TAFA2: variants seen among roughly 807,000 people sequenced by gnomAD.
TAFA2 encodes TAFA chemokine like family member 2.
Under a neutral mutation model 18.8 loss-of-function variants are expected in TAFA2, and 7 were observed. The observed-to-expected ratio is 0.37, with a 90% CI of 0.21 to 0.70. The LOEUF is 0.70. Among genes scored for constraint, TAFA2 ranks in the 30% least tolerant of loss-of-function variants. The pLI is 0.53. For synonymous variants in TAFA2, 60 were observed against 54.2 expected (o/e 1.11, Z -0.47); for missense variants, 122 against 158.1 (o/e 0.77, Z 1.23).
chr12:61,872,764 A>G (rs1245929504), intron 1 of TAFA2, among the ~76,000 whole-genome samples: 1 of 151,904 alleles, frequency 6.6e-6, no homozygotes, highest in Non-Finnish European at 1.5e-5. Context: ...AGGTTCTCCC[A>G]CCTGTCTTTG....
intron 1 of TAFA2, among the ~76,000 whole-genome samples, chr12:61,995,831 A>G (rs1880166335): frequency 6.6e-6 from 1 of 151,818 alleles, no homozygotes; most frequent in Non-Finnish European, 1.5e-5. Context: ...TCTAAAACTG[A>G]TTGTGGTGAT....
chr12:62,147,285 T>C (rs1472311966), intron 1 of TAFA2, among the ~76,000 whole-genome samples: 1 of 144,652 alleles, frequency 6.9e-6, no homozygotes, highest in African/African-American at 2.6e-5. Context: ...TGTATATATA[T>C]GTATGTATAT....
At chr12:62,190,054 G>T (rs1205322806) in intron 1 of TAFA2, among the ~76,000 whole-genome samples, 3 of 151,360 alleles carry the variant, frequency 2.0e-5, no homozygotes, top group Non-Finnish European at 4.4e-5. Flanking sequence ...CTCACAAAAA[G>T]ATAATTTTTT....
intron 1 of TAFA2, among the ~76,000 whole-genome samples, chr12:62,041,524 AAAGGT>A (rs552100357): frequency 6.6e-6 from 1 of 152,190 alleles, no homozygotes; most frequent in Non-Finnish European, 1.5e-5. Flanking sequence ...CCATTCACAT[AAAGGT>A]AATCAGAGTT....
intron 4 of TAFA2, chr12:61,720,573 C>T (rs1869850008): frequency 4.7e-6 from 1 of 210,704 alleles, no homozygotes; most frequent in African/African-American, 2.3e-5. Context: ...CCCTCTGACT[C>T]CCTAAAGCTG....
intron 1 of TAFA2, among the ~76,000 whole-genome samples, chr12:62,108,949 A>G (rs898007646): frequency 6.6e-6 from 1 of 152,154 alleles, no homozygotes; most frequent in African/African-American, 2.4e-5. Context: ...TTCTGATGAC[A>G]GTTTATTTTG....
intron 1 of TAFA2, among the ~76,000 whole-genome samples, chr12:62,061,046 A>T (rs1007628439): frequency 4.6e-5 from 7 of 152,060 alleles, no homozygotes; most frequent in African/African-American, 1.4e-4. Context: ...AAAGTAAAAA[A>T]GTTTTAGTAA....
intron 2 of TAFA2, among the ~76,000 whole-genome samples, chr12:61,850,904 G>A (rs572919748): frequency 6.6e-6 from 1 of 152,114 alleles, no homozygotes; most frequent in Admixed American, 6.6e-5. Flanking sequence ...GAACACCAGC[G>A]CTATCAACTT....
intron 1 of TAFA2, among the ~76,000 whole-genome samples, chr12:62,072,391 C>T (rs565382881): frequency 1.6e-4 from 25 of 151,784 alleles, no homozygotes; most frequent in Admixed American, 9.2e-4. Context: ...ATGGCGTGAA[C>T]CCAGGAGGCA....
chr12:61,872,403 A>G (rs150336171), intron 1 of TAFA2, among the ~76,000 whole-genome samples: 340 of 152,206 alleles, frequency 2.2e-3, no homozygotes, highest in African/African-American at 7.6e-3. Context: ...CTTAACAGAC[A>G]AATCTCGAAA....
At chr12:61,943,483 G>C (rs1439438216) in intron 1 of TAFA2, among the ~76,000 whole-genome samples, 23 of 144,996 alleles carry the variant, frequency 1.6e-4, no homozygotes, top group African/African-American at 5.8e-4. Flanking sequence ...TGGACTAAAT[G>C]CTCCAATTAA....
intron 1 of TAFA2, among the ~76,000 whole-genome samples, chr12:62,210,027 C>T (rs1378659080): frequency 2.0e-5 from 3 of 151,936 alleles, no homozygotes; most frequent in Admixed American, 6.6e-5. Context: ...AGTGAAACCC[C>T]GTCTCTACTA....
intron 1 of TAFA2, among the ~76,000 whole-genome samples, chr12:62,012,716 A>G (rs1216456264): frequency 6.6e-6 from 1 of 152,180 alleles, no homozygotes; most frequent in Non-Finnish European, 1.5e-5. Flanking sequence ...CCAAAATTTA[A>G]CCTTATCAAT....
intron 1 of TAFA2, among the ~76,000 whole-genome samples, chr12:62,172,285 G>A (rs1442761225): frequency 6.6e-6 from 1 of 151,656 alleles, no homozygotes; most frequent in South Asian, 2.1e-4. Context: ...ACAAAAATGT[G>A]CCAGGAAATG....
At chr12:61,881,376 T>C (rs1389483617) in intron 1 of TAFA2, among the ~76,000 whole-genome samples, 2 of 152,142 alleles carry the variant, frequency 1.3e-5, no homozygotes, top group African/African-American at 2.4e-5. Context: ...AATCTATTGC[T>C]CCTAGGTCAC....
intron 1 of TAFA2, among the ~76,000 whole-genome samples, chr12:62,230,404 T>G (rs576390150): frequency 3.9e-5 from 6 of 152,260 alleles, no homozygotes; most frequent in Admixed American, 2.0e-4. Context: ...TTGGGTATGT[T>G]GTGTTTTCAT....
chr12:61,913,490 GT>G (rs1429524495), intron 1 of TAFA2, among the ~76,000 whole-genome samples: 25 of 152,152 alleles, frequency 1.6e-4, no homozygotes, highest in Non-Finnish European at 2.9e-4. Context: ...TCCAAGTTGT[GT>G]TATTTACAAT....
intron 1 of TAFA2, among the ~76,000 whole-genome samples, chr12:62,178,695 G>T (rs1167602233): frequency 6.6e-6 from 1 of 152,170 alleles, no homozygotes; most frequent in Non-Finnish European, 1.5e-5. Context: ...GGCATCCCTA[G>T]CACTTATGGA....
chr12:62,137,874 A>G (rs1870961703), intron 1 of TAFA2, among the ~76,000 whole-genome samples: 1 of 152,138 alleles, frequency 6.6e-6, no homozygotes. Context: ...TAAAAACTGC[A>G]TGCCTTATGA....
Sources: gnomAD v4.1 joint callset for allele counts (sites outside exome capture counted in the v4.1 genomes callset) on GRCh38, gnomAD v4.1.1 for gene constraint, MANE v1.5 for transcripts, NCBI Gene and HGNC (gene_info 2026-07-23, HGNC 2026-07-21) for gene names.